MMP26: variants seen among roughly 807,000 people sequenced by gnomAD.
MMP26 encodes matrix metalloproteinase-26.
A neutral mutation model predicts 31.0 loss-of-function variants in MMP26; 33 were observed. That is an observed-to-expected ratio of 1.06 (90% confidence interval 0.81 to 1.42). The LOEUF is 1.42. MMP26 is among the 40% of genes most tolerant of loss of function. The pLI, the probability that MMP26 is intolerant of heterozygous loss-of-function variation, is 0.00. For missense variants in MMP26, 347 were observed against 316.1 expected, an observed-to-expected ratio of 1.10 and a Z score of -0.74; for synonymous variants, 122 against 114.9, an observed-to-expected ratio of 1.06 and a Z score of -0.40.
At chr11:4,788,174 A>G (rs1457190590) in intron 2 of MMP26, among the ~76,000 whole-genome samples, 1 of 152,060 alleles carries the variant, frequency 6.6e-6, no homozygotes, top group East Asian at 1.9e-4. Context: ...GGACACTATG[A>G]CCCTATTCCT....
chr11:4,857,074 T>C (rs1850064564), intron 2 of MMP26, among the ~76,000 whole-genome samples: 1 of 152,138 alleles, frequency 6.6e-6, no homozygotes, highest in Middle Eastern at 3.4e-3. Context: ...TTTAAAGCAG[T>C]GTGTAGAGGG....
intron 2 of MMP26, among the ~76,000 whole-genome samples, chr11:4,951,265 A>C (rs1008193161): frequency 8.1e-6 from 1 of 124,022 alleles, no homozygotes; most frequent in African/African-American, 2.7e-5. Context: ...TCATGACTCC[A>C]GAATAAGTGC....
intron 2 of MMP26, among the ~76,000 whole-genome samples, chr11:4,963,283 C>G (rs1346130977): frequency 6.6e-6 from 1 of 152,106 alleles, no homozygotes; most frequent in African/African-American, 2.4e-5. Context: ...TAGGAAGAAC[C>G]AATATCATGA....
intron 2 of MMP26, among the ~76,000 whole-genome samples, chr11:4,977,216 T>C (rs952473577): frequency 6.6e-6 from 1 of 152,148 alleles, no homozygotes; most frequent in Non-Finnish European, 1.5e-5. Context: ...TAAACATTTG[T>C]GTGCAGAAGT....
chr11:4,832,466 A>G (rs1005899950), intron 2 of MMP26: 1 of 152,946 alleles, frequency 6.5e-6, no homozygotes, highest in Non-Finnish European at 1.5e-5. Flanking sequence ...ATTCACAGAC[A>G]TGGAGTCTTC....
chr11:4,761,823 T>C lies in MMP26; in HGVS notation c.-216-5447T>C, dbSNP rs77699349. Among the ~76,000 whole-genome samples the C allele has an allele frequency of 1.4e-3, 216 of 152,316 alleles. 1 individual carries two copies. Among genetic ancestry groups the C allele is most frequent in the African/African-American group, 5.0e-3 (206 of 41,582 alleles). On this transcript the variant is annotated intron_variant, in intron 1 of 7. Coordinates refer to ENST00000380390, the MANE Select transcript of MMP26 (RefSeq NM_021801.5). ...AGGTAATAGCATAATGCCAGTTCCATAGTACATATATTTTAAATATCTGTT... is the reference window on the plus strand; with the variant it reads ...AGGTAATAGCATAATGCCAGTTCCACAGTACATATATTTTAAATATCTGTT...
chr11:4,947,184 A>G lies in MMP26; in HGVS notation c.-144-40884A>G. On this transcript the variant is annotated intron_variant, in intron 2 of 7. Coordinates refer to ENST00000380390, the MANE Select transcript of MMP26 (RefSeq NM_021801.5). ...ATATCTGTAAATTTAGTAGAAAAAA[A>G]GCAGTGTTAAAATTTGTGGCTTCTT... 3.1e-6 allele frequency: 3 copies of G among 980,536 alleles called. 1 individual carries two copies. The highest frequency in any genetic ancestry group is 3.3e-5 in the South Asian group (2 of 60,194). The allele number at this position is 980,536 out of a possible 1,614,324, so 60.7% of individuals were successfully genotyped here. A position where few individuals can be genotyped will look rare whatever the true frequency, so the allele number is the denominator to read the frequency against.
chr11:4,858,178 C>G (rs1014882820), intron 2 of MMP26, among the ~76,000 whole-genome samples: 1 of 152,086 alleles, frequency 6.6e-6, no homozygotes, highest in Non-Finnish European at 1.5e-5. Context: ...GACAGGGATG[C>G]CCTCTCACAC....
chr11:4,785,218 A>G (rs1426919157), intron 2 of MMP26, among the ~76,000 whole-genome samples: 1 of 152,196 alleles, frequency 6.6e-6, no homozygotes, highest in Non-Finnish European at 1.5e-5. Context: ...TCTGGGAAAG[A>G]GCAGACAGTT....
At chr11:4,896,598 A>G (rs1172139119) in intron 2 of MMP26, among the ~76,000 whole-genome samples, 2 of 152,202 alleles carry the variant, frequency 1.3e-5, no homozygotes, top group Non-Finnish European at 2.9e-5. Flanking sequence ...CCAAGAAATC[A>G]CTTAACCCTA....
intron 2 of MMP26, chr11:4,821,264 T>C: frequency 1.3e-6 from 1 of 774,472 alleles, no homozygotes; most frequent in East Asian, 2.5e-5. Context: ...GAGAAATGTG[T>C]AGCTCTGGGA....
chr11:4,932,774 T>A (rs1447018626), intron 2 of MMP26, among the ~76,000 whole-genome samples: 1 of 152,114 alleles, frequency 6.6e-6, no homozygotes, highest in Non-Finnish European at 1.5e-5. Context: ...CTCTTTGTAG[T>A]CGAATGAAGT....
chr11:4,863,701 C>T (rs920194604), intron 2 of MMP26: 4 of 152,084 alleles, frequency 2.6e-5, no homozygotes, highest in African/African-American at 9.7e-5. Context: ...AAAGACTGCT[C>T]AAACCACTGG....
intron 2 of MMP26, among the ~76,000 whole-genome samples, chr11:4,976,208 T>G (rs1210692665): frequency 6.6e-6 from 1 of 152,056 alleles, no homozygotes; most frequent in Non-Finnish European, 1.5e-5. Flanking sequence ...AAAGTTGAAG[T>G]AACAGATACA....
intron 2 of MMP26, among the ~76,000 whole-genome samples, chr11:4,858,651 A>C (rs1246139187): frequency 6.6e-6 from 1 of 152,198 alleles, no homozygotes; most frequent in East Asian, 1.9e-4. Context: ...TACTGCCCAA[A>C]GTAATTTATA....
intron 2 of MMP26, chr11:4,769,493 C>G (rs1208739250): frequency 2.5e-6 from 4 of 1,613,788 alleles, no homozygotes; most frequent in African/African-American, 1.3e-5. Flanking sequence ...TTGAATGATT[C>G]TGGAATTAGT....
At chr11:4,830,511 T>C (rs1849631970) in intron 2 of MMP26, among the ~76,000 whole-genome samples, 1 of 152,170 alleles carries the variant, frequency 6.6e-6, no homozygotes, top group Non-Finnish European at 1.5e-5. Context: ...AACTCATGTA[T>C]TGAGTTACCT....
intron 1 of MMP26, among the ~76,000 whole-genome samples, chr11:4,740,838 C>A (rs1198717068): frequency 6.6e-6 from 1 of 152,160 alleles, no homozygotes; most frequent in East Asian, 1.9e-4. Context: ...CATTTTAGTC[C>A]CTTCCACAGA....
At chr11:4,725,804 T>C (rs1848091280) in intron 1 of MMP26, among the ~76,000 whole-genome samples, 1 of 152,134 alleles carries the variant, frequency 6.6e-6, no homozygotes, top group African/African-American at 2.4e-5. Flanking sequence ...TCTGTGGTGG[T>C]AGAGTAAAAA....
Sources: gnomAD v4.1 joint callset for allele counts (sites outside exome capture counted in the v4.1 genomes callset) on GRCh38, gnomAD v4.1.1 for gene constraint, MANE v1.5 for transcripts, NCBI Gene and HGNC (gene_info 2026-07-23, HGNC 2026-07-21) for gene names.